The following CACNA1C variants were observed in gnomAD, a reference collection of about 807,000 sequenced individuals.
The protein encoded by CACNA1C is voltage-dependent L-type calcium channel subunit alpha-1C.
CACNA1C carries 30 observed loss-of-function variants against 229.0 expected under a neutral mutation model. That is an observed-to-expected ratio of 0.13 (90% CI 0.10 to 0.18). CACNA1C has a LOEUF of 0.18. Among genes scored for constraint, CACNA1C ranks in the 10% least tolerant of loss-of-function variants. CACNA1C has a pLI of 1.00. For missense variants in CACNA1C, 1,658 were observed against 2,845.0 expected, an observed-to-expected ratio of 0.58 and a Z score of 9.49; for synonymous variants, 1,114 against 1,132.5, an observed-to-expected ratio of 0.98 and a Z score of 0.33.
intron 1 of CACNA1C, among the ~76,000 whole-genome samples, chr12:2,039,651 C>G (rs1203889133): frequency 6.6e-6 from 1 of 152,094 alleles, no homozygotes; most frequent in African/African-American, 2.4e-5. Flanking sequence ...ATAGAGATAG[C>G]GGTAGGCTCT....
Position 2,662,231 on chromosome 12 carries a change from G to C in CACNA1C, c.4233-2594G>C, listed in dbSNP as rs1603418349. On this transcript the variant is annotated intron_variant, in intron 34 of 46. Coordinates refer to ENST00000399655, the MANE Select transcript of CACNA1C (RefSeq NM_000719.7). ...CACTGCAGTCTGGGGGACAGAGAAA[G>C]ACCCCATCTCAAAAAAAAAAAACAA... Among the ~76,000 whole-genome samples, 5 of 117,620 alleles carry C rather than the reference G, an allele frequency of 4.3e-5. 1 individual carries two copies. The South Asian group carries it at 1.7e-3, about 40-fold the overall frequency. 77.2% of individuals were successfully genotyped at this position (117,620 alleles called of 152,430 possible).
chr12:2,146,179 C>T (rs2094687490), intron 3 of CACNA1C, among the ~76,000 whole-genome samples: 1 of 151,036 alleles, frequency 6.6e-6, no homozygotes, highest in Non-Finnish European at 1.5e-5. Flanking sequence ...AGGAAAGGTT[C>T]TCACCCTCGA....
chr12:2,363,285 C>T (rs1041290089), intron 3 of CACNA1C, among the ~76,000 whole-genome samples: 1 of 152,198 alleles, frequency 6.6e-6, no homozygotes, highest in Non-Finnish European at 1.5e-5. Context: ...CCCACCTTGT[C>T]TCATCTCATA....
rs143966263 is a variant in CACNA1C at position 2,194,915 on chromosome 12, G to A, written c.477+74485G>A. Among the ~76,000 whole-genome samples, 8 of 152,326 alleles carry A rather than the reference G, an allele frequency of 5.3e-5. No homozygotes were observed. The East Asian group carries it at 1.5e-3, about 29-fold the overall frequency. ...AATGTTTTCTGATCTAAGGTCTTCTGAGGACATTGGGGACACTTTATTCCC... is the reference window on the plus strand; with the variant it reads ...AATGTTTTCTGATCTAAGGTCTTCTAAGGACATTGGGGACACTTTATTCCC... On this transcript the variant is annotated intron_variant, in intron 3 of 46. Coordinates refer to ENST00000399655, the MANE Select transcript of CACNA1C (RefSeq NM_000719.7).
At chr12:2,565,783 C>T (rs1238167799) in intron 11 of CACNA1C, among the ~76,000 whole-genome samples, 2 of 152,258 alleles carry the variant, frequency 1.3e-5, no homozygotes, top group Admixed American at 1.3e-4. Flanking sequence ...ATTCTATAAC[C>T]CAGAAAAACA....
intron 9 of CACNA1C, among the ~76,000 whole-genome samples, chr12:2,518,673 C>G (rs778156518): frequency 3.3e-4 from 50 of 152,056 alleles, no homozygotes; most frequent in Non-Finnish European, 3.5e-4. Context: ...ACAACACAAT[C>G]CCATGTCATG....
intron 3 of CACNA1C, among the ~76,000 whole-genome samples, chr12:2,338,169 T>C (rs958866357): frequency 9.9e-5 from 15 of 152,002 alleles, no homozygotes; most frequent in African/African-American, 3.1e-4. Flanking sequence ...GCTGGCTACA[T>C]GGGGGGAGGA....
chr12:2,032,720 A>G (rs1442872809), intron 1 of CACNA1C, among the ~76,000 whole-genome samples: 4 of 152,212 alleles, frequency 2.6e-5, no homozygotes, highest in Non-Finnish European at 4.4e-5. Flanking sequence ...TCAGAACATC[A>G]GCAGCTGGAG....
At chr12:2,652,895 C>CCCCA (rs1555966756) in intron 32 of CACNA1C, among the ~76,000 whole-genome samples, 7 of 151,790 alleles carry the variant, frequency 4.6e-5, no homozygotes, top group African/African-American at 1.7e-4. Context: ...CTCTCCCTGC[C>CCCCA]CCCCCGACAT....
intron 3 of CACNA1C, among the ~76,000 whole-genome samples, chr12:2,203,578 G>A (rs932608629): frequency 6.6e-6 from 1 of 152,198 alleles, no homozygotes; most frequent in African/African-American, 2.4e-5. Context: ...GGTGGCTGCA[G>A]TCCTATGGCC....
intron 3 of CACNA1C, among the ~76,000 whole-genome samples, chr12:2,150,251 T>G (rs1020263833): frequency 4.6e-5 from 7 of 152,170 alleles, no homozygotes; most frequent in Non-Finnish European, 7.3e-5. Context: ...GAGAATAGGA[T>G]GGGTCTTGTC....
At chr12:2,591,216 T>A (rs1009947781) in intron 18 of CACNA1C, among the ~76,000 whole-genome samples, 1 of 150,190 alleles carries the variant, frequency 6.7e-6, no homozygotes, top group Admixed American at 6.6e-5. Context: ...GTGCCAGGCA[T>A]TTTTTTTTTC....
chr12:2,076,910 C>T (rs1222620590), intron 1 of CACNA1C, among the ~76,000 whole-genome samples: 1 of 152,202 alleles, frequency 6.6e-6, no homozygotes, highest in Non-Finnish European at 1.5e-5. Flanking sequence ...GAAATTGAGA[C>T]ATGGAACATG....
chr12:2,246,632 C>T (rs2073378713), intron 3 of CACNA1C, among the ~76,000 whole-genome samples: 1 of 152,100 alleles, frequency 6.6e-6, no homozygotes, highest in Non-Finnish European at 1.5e-5. Context: ...TCGTCAGGTC[C>T]CGTGAGTCGC....
At chr12:2,357,472 A>G (rs1224950945) in intron 3 of CACNA1C, among the ~76,000 whole-genome samples, 3 of 152,034 alleles carry the variant, frequency 2.0e-5, no homozygotes, top group Non-Finnish European at 2.9e-5. Flanking sequence ...TCCCTAAGTG[A>G]CATCCCTCTT....
chr12:2,633,479 C>T lies in CACNA1C; in HGVS notation c.3829-818C>T, dbSNP rs1203853239. 6 of 659,664 alleles carry T rather than the reference C, an allele frequency of 9.1e-6. No individual in the cohort carries two copies. The highest frequency in any genetic ancestry group is 1.6e-5 in the Non-Finnish European group (6 of 367,502). 40.9% of individuals were successfully genotyped at this position (659,664 alleles called of 1,614,324 possible). A position where few individuals can be genotyped will look rare whatever the true frequency, so the allele number is the denominator to read the frequency against. Reference sequence around the variant, plus strand: ...CCCTGCTGCTCCTTCCTTGCTGGTGCTCCTGGGCTCCTGGCCATGGTGAGG... The same window carrying T: ...CCCTGCTGCTCCTTCCTTGCTGGTGTTCCTGGGCTCCTGGCCATGGTGAGG... On this transcript the variant is annotated intron_variant, in intron 29 of 46. Transcript: ENST00000399655. This position sits in a 1 kb window ranked among gnomAD's most constrained non-coding sequence, Gnocchi z 5.8.
intron 1 of CACNA1C, among the ~76,000 whole-genome samples, chr12:2,043,114 C>G (rs2050420906): frequency 6.6e-6 from 1 of 151,290 alleles, no homozygotes; most frequent in African/African-American, 2.4e-5. Context: ...TACTTCATCG[C>G]AAGATCATTA....
chr12:2,367,027 C>T (rs6489370), intron 3 of CACNA1C, among the ~76,000 whole-genome samples: 45,442 of 152,006 alleles, frequency 0.3, 7,571 homozygotes, highest in Non-Finnish European at 0.38. Context: ...GCCCCTCCAC[C>T]GACATGTGGG....
intron 1 of CACNA1C, among the ~76,000 whole-genome samples, chr12:1,986,395 G>C (rs77778833): frequency 0.017 from 2,542 of 152,186 alleles, 73 homozygotes; most frequent in African/African-American, 0.056. Context: ...TTATCTCAGG[G>C]TTTTAGACTC....
Sources: allele counts gnomAD v4.1 joint callset (sites outside exome capture counted in the v4.1 genomes callset), GRCh38; gene constraint gnomAD v4.1.1; non-coding constraint Gnocchi (gnomAD v3.1); transcripts MANE v1.5; gene names NCBI Gene and HGNC (gene_info 2026-07-23, HGNC 2026-07-21).